SCP2: variants seen among roughly 807,000 people sequenced by gnomAD.
The protein encoded by SCP2 is SCP-2/3-oxoacyl-CoA thiolase.
In SCP2, 48 loss-of-function variants were observed where a neutral mutation model predicts 71.4. The ratio of observed to expected loss-of-function variants is 0.67; its 90% CI spans 0.53 to 0.86. The LOEUF (loss-of-function observed/expected upper bound fraction) is 0.86. Ranked by LOEUF, SCP2 falls within the 40% of genes least tolerant of loss-of-function variation. The pLI is 0.00. For missense variants in SCP2, 560 were observed against 655.6 expected, an observed-to-expected ratio of 0.85 and a Z score of 1.59; for synonymous variants, 220 against 218.1, an observed-to-expected ratio of 1.01 and a Z score of -0.08.
chr1:52,995,161 C>G (rs1014634755), intron 11 of SCP2: 24 of 492,064 alleles, frequency 4.9e-5, no homozygotes, highest in African/African-American at 4.7e-4. Context: ...AATGGGTACT[C>G]TCTTTATCAG....
chr1:53,047,775 G>A (rs1663927901), intron 14 of SCP2, 83 bp from the exon 15 acceptor site: 2 of 899,544 alleles, frequency 2.2e-6, no homozygotes, highest in Non-Finnish European at 3.7e-6. Flanking sequence ...TAATTCTGTT[G>A]CAGTCAGTGG....
At chr1:52,998,665 T>C (rs902118624) in intron 11 of SCP2, among the ~76,000 whole-genome samples, 1 of 152,200 alleles carries the variant, frequency 6.6e-6, no homozygotes, top group Non-Finnish European at 1.5e-5. Flanking sequence ...TAGGATAAAT[T>C]TCAAACAGTG....
chr1:53,027,426 T>G (rs1274851007), intron 12 of SCP2, among the ~76,000 whole-genome samples: 1 of 152,192 alleles, frequency 6.6e-6, no homozygotes, highest in East Asian at 1.9e-4. Context: ...GGGTAGCTTC[T>G]TTGGTTTACT....
chr1:53,035,683 G>A (rs1344721999), intron 13 of SCP2, among the ~76,000 whole-genome samples: 2 of 151,608 alleles, frequency 1.3e-5, no homozygotes, highest in Non-Finnish European at 2.9e-5. Flanking sequence ...GTATTATAAA[G>A]CTATAATATT....
At chr1:52,952,819 G>A (rs981640853) in intron 4 of SCP2, among the ~76,000 whole-genome samples, 2 of 151,420 alleles carry the variant, frequency 1.3e-5, no homozygotes, top group Non-Finnish European at 2.9e-5. Flanking sequence ...TAAACATTGT[G>A]TATATATATA....
At chr1:52,928,855 A>G (rs1470607762) in intron 1 of SCP2, 1 of 154,460 alleles carries the variant, frequency 6.5e-6, no homozygotes, top group East Asian at 1.9e-4. Flanking sequence ...AGTGTTTCAC[A>G]GAAGGGGAGG....
chr1:53,005,564 C>T (rs1407286911), intron 11 of SCP2, among the ~76,000 whole-genome samples: 1 of 152,196 alleles, frequency 6.6e-6, no homozygotes, highest in African/African-American at 2.4e-5. Context: ...AGGGTCCTGA[C>T]TGTTAGAAGG....
At chr1:52,994,715 A>T in intron 11 of SCP2, 2 of 711,142 alleles carry the variant, frequency 2.8e-6, no homozygotes, top group East Asian at 4.7e-5. Context: ...AAATTAAAAT[A>T]AATTTTAACC....
At chr1:52,958,561 T>C (rs1240853892) in intron 5 of SCP2, among the ~76,000 whole-genome samples, 2 of 151,692 alleles carry the variant, frequency 1.3e-5, no homozygotes, top group African/African-American at 2.4e-5. Context: ...TAGCTATCTA[T>C]TGAGATGTTC....
At chr1:53,019,883 G>A (rs974972039) in intron 12 of SCP2, among the ~76,000 whole-genome samples, 1 of 151,946 alleles carries the variant, frequency 6.6e-6, no homozygotes, top group Non-Finnish European at 1.5e-5. Flanking sequence ...TAGAGTTACC[G>A]GAGACAGATT....
chr1:52,987,984 T>C, intron 10 of SCP2, 45 bp from the exon 11 acceptor site: 4 of 966,592 alleles, frequency 4.1e-6, no homozygotes, highest in Non-Finnish European at 6.8e-6. Context: ...TCATTTGTTC[T>C]ATTGTTACTA....
chr1:53,034,314 A>G (rs372262219), intron 13 of SCP2, among the ~76,000 whole-genome samples: 3 of 152,280 alleles, frequency 2.0e-5, no homozygotes, highest in African/African-American at 4.8e-5. Context: ...GTATGCATCA[A>G]TGTGGATAAA....
chr1:53,038,909 C>A lies in SCP2; in HGVS notation c.1339-8C>A. On this transcript the variant is annotated splice_region_variant and splice_polypyrimidine_tract_variant and intron_variant, in intron 13 of 15. Transcript: ENST00000371514. ...TTAATGTAACCCCAGTGTTATTTTT[C>A]TTTCCAGGAAGGGGAACAGTTTGTG... 1 of 1,613,814 alleles carries A rather than the reference C, an allele frequency of 6.2e-7. No homozygotes were observed.
In SCP2 at chr1:52,996,224, G is replaced by C. The variant is rs111469668; in HGVS notation, c.1081+8088G>C. 6.3e-3 allele frequency among the ~76,000 whole-genome samples: 956 copies of C among 152,222 alleles called. 16 individuals carry two copies. The highest frequency in any genetic ancestry group is 0.022 in the African/African-American group (919 of 41,546). ...TCTCTTTCCACTCTGGGAAGCCTAG[G>C]TTTCTGCCACTCTGGGTGACCCTGT... On this transcript the variant is annotated intron_variant, in intron 11 of 15. Transcript: ENST00000371514.
chr1:53,046,377 G>A (rs1557634796), intron 14 of SCP2, among the ~76,000 whole-genome samples: 1 of 147,408 alleles, frequency 6.8e-6, no homozygotes. Context: ...TAGTAGGTAT[G>A]TGGCACTCAT....
intron 6 of SCP2, among the ~76,000 whole-genome samples, chr1:52,966,540 G>GAT (rs147670889): frequency 0.019 from 2,780 of 149,600 alleles, 81 homozygotes; most frequent in African/African-American, 0.062. Flanking sequence ...ATTTGTAAGT[G>GAT]ATATATATAT....
intron 12 of SCP2, among the ~76,000 whole-genome samples, chr1:53,018,416 T>C (rs570614336): frequency 6.6e-6 from 1 of 152,326 alleles, no homozygotes; most frequent in East Asian, 1.9e-4. Context: ...AATGATATTC[T>C]TTTGCTTAAC....
chr1:52,989,667 C>T (rs1157574934), intron 11 of SCP2, among the ~76,000 whole-genome samples: 1 of 152,192 alleles, frequency 6.6e-6, no homozygotes, highest in East Asian at 1.9e-4. Context: ...ACTGAAAACT[C>T]ACCCAGTGCA....
chr1:52,944,330 TC>T (rs1406785850), intron 2 of SCP2, among the ~76,000 whole-genome samples: 1 of 152,214 alleles, frequency 6.6e-6, no homozygotes, highest in African/African-American at 2.4e-5. Flanking sequence ...TTTTTTGTTT[TC>T]TTTTTTCTCT....
Sources: gnomAD v4.1 joint callset for allele counts (sites outside exome capture counted in the v4.1 genomes callset) on GRCh38, gnomAD v4.1.1 for gene constraint, MANE v1.5 for transcripts, NCBI Gene and HGNC (gene_info 2026-07-23, HGNC 2026-07-21) for gene names.